Variants in SP100 observed in about 807,000 individuals in gnomAD.
SP100 encodes nuclear autoantigen Sp-100.
A neutral mutation model predicts 130.0 loss-of-function variants in SP100; 84 were observed. The ratio of observed to expected loss-of-function variants is 0.65; its 90% CI spans 0.54 to 0.77. The LOEUF (loss-of-function observed/expected upper bound fraction) is 0.77. SP100 is among the 30% of genes least tolerant of loss of function. The pLI, the probability that SP100 is intolerant of heterozygous loss-of-function variation, is 0.00. For synonymous variants in SP100, 331 were observed against 351.7 expected (o/e 0.94, Z 0.66); for missense variants, 978 against 1,052.2 (o/e 0.93, Z 0.97).
intron 24 of SP100, among the ~76,000 whole-genome samples, chr2:230,534,280 C>T (rs896160702): frequency 6.6e-6 from 1 of 152,100 alleles, no homozygotes; most frequent in Admixed American, 6.6e-5. Flanking sequence ...GTGGTGGGCA[C>T]CTGTAGTCCC....
At chr2:230,499,636 C>T (rs1205588867) in intron 19 of SP100, among the ~76,000 whole-genome samples, 1 of 149,552 alleles carries the variant, frequency 6.7e-6, no homozygotes, top group Non-Finnish European at 1.5e-5. Context: ...CTCTTAAAAA[C>T]ACCCAGTACA....
At chr2:230,474,687 C>A (rs919073671) in intron 17 of SP100, among the ~76,000 whole-genome samples, 1 of 152,130 alleles carries the variant, frequency 6.6e-6, no homozygotes, top group South Asian at 2.1e-4. Context: ...ACCCTCTCCC[C>A]CTGCCCCATC....
rs1036376438 is a variant in SP100, at chr2:230,544,832, A to G, written c.*1886A>G. On this transcript the variant is annotated 3_prime_UTR_variant, in exon 29 of 29. Transcript: ENST00000340126. The stretch of plus-strand genomic sequence containing the variant: ...CACATGCGGCCAACAAGCATGTTTT[A>G]AAAGCTCAATATCACTGATCGTTAG... Among the ~76,000 whole-genome samples, 1 of 152,248 alleles carries G rather than the reference A, an allele frequency of 6.6e-6. No individual in the cohort carries two copies. The highest frequency in any genetic ancestry group is 1.5e-5 in the Non-Finnish European group (1 of 68,040).
chr2:230,427,167 C>CT (rs150025924), intron 2 of SP100, among the ~76,000 whole-genome samples: 3 of 151,166 alleles, frequency 2.0e-5, no homozygotes, highest in African/African-American at 4.9e-5. Flanking sequence ...CTCTCTCTCT[C>CT]TTTTTTTTTC....
At chr2:230,529,120 A>G (rs980997868) in intron 24 of SP100, among the ~76,000 whole-genome samples, 1 of 152,198 alleles carries the variant, frequency 6.6e-6, no homozygotes, top group Non-Finnish European at 1.5e-5. Flanking sequence ...TAGAGACACA[A>G]CAAAAAAAGA....
At chr2:230,510,883 C>A in intron 23 of SP100, 1 of 553,066 alleles carries the variant, frequency 1.8e-6, no homozygotes, top group Non-Finnish European at 3.2e-6. Flanking sequence ...TGAATGGTTT[C>A]ACGAAGGCCT....
intron 24 of SP100, among the ~76,000 whole-genome samples, chr2:230,533,024 A>G (rs1209006632): frequency 6.6e-6 from 1 of 152,160 alleles, no homozygotes; most frequent in Non-Finnish European, 1.5e-5. Flanking sequence ...TATGTGATCC[A>G]CCTGCCCCGG....
At position 230,450,200 on chromosome 2, in the gene SP100, G is replaced by A. The variant is rs1243587736; in HGVS notation, c.765G>A (p.Val255=). 11 of 1,613,814 alleles carry A rather than the reference G, an allele frequency of 6.8e-6. No individual in the cohort carries two copies. Among genetic ancestry groups the A allele is most frequent in the African/African-American group, 2.7e-5 (2 of 74,916 alleles). The change falls in exon 8 of 29, where the codon GTG becomes GTA. Residue 255 remains valine, a synonymous_variant. Transcript: ENST00000340126. ...TESCEQIAVQ[V]NNGDAGREMP... is the part of the protein sequence containing the mutation. ...CCTGCGAACAAATTGCTGTCCAAGT[G>A]AATAATGGGGATGCTGGAAGGGAGA... is the stretch of plus-strand genomic sequence containing the variant.
chr2:230,456,579 T>C (rs2064285610), intron 8 of SP100, among the ~76,000 whole-genome samples: 1 of 152,210 alleles, frequency 6.6e-6, no homozygotes, highest in Non-Finnish European at 1.5e-5. Context: ...TCATAAATCC[T>C]GTAAGCTTTC....
chr2:230,428,837 A>G (rs1463310881), intron 2 of SP100, among the ~76,000 whole-genome samples: 1 of 152,192 alleles, frequency 6.6e-6, no homozygotes, highest in East Asian at 1.9e-4. Flanking sequence ...AGTTCCTCCC[A>G]CCAGGGCCCT....
At chr2:230,517,524 G>C (rs151157139) in intron 24 of SP100, among the ~76,000 whole-genome samples, 32 of 152,256 alleles carry the variant, frequency 2.1e-4, no homozygotes, top group Middle Eastern at 6.8e-3. Flanking sequence ...CACTGTGGGA[G>C]GCCAAGGCAG....
chr2:230,502,971 C>A, intron 19 of SP100, 95 bp from the exon 20 acceptor site: 1 of 947,016 alleles, frequency 1.1e-6, no homozygotes. Flanking sequence ...AAGTTCTAGA[C>A]AGGATCCTGA....
chr2:230,436,113 C>T (rs1309321992), intron 2 of SP100, among the ~76,000 whole-genome samples: 2 of 151,978 alleles, frequency 1.3e-5, no homozygotes, highest in African/African-American at 2.4e-5. Flanking sequence ...TAATTGGAGG[C>T]CTTTCATAAT....
chr2:230,440,459 A>AT, intron 2 of SP100: 6 of 965,150 alleles, frequency 6.2e-6, no homozygotes, highest in Non-Finnish European at 8.2e-6. Context: ...ATTAAATTAA[A>AT]TTTTTTATTT....
At chr2:230,510,940 T>G in intron 23 of SP100, 185 bp from the exon 24 acceptor site, 1 of 625,132 alleles carries the variant, frequency 1.6e-6, no homozygotes. Flanking sequence ...TGGGCCAAAC[T>G]GTCACTGACA....
intron 15 of SP100, among the ~76,000 whole-genome samples, chr2:230,472,124 A>G (rs1457476019): frequency 6.6e-6 from 1 of 152,108 alleles, no homozygotes; most frequent in African/African-American, 2.4e-5. Context: ...TGAAATTGCA[A>G]AAAGAGTCAA....
Position 230,504,454 on chromosome 2 carries a change from C to G in SP100, c.1870+164C>G, listed in dbSNP as rs752217190. On this transcript the variant is annotated intron_variant, in intron 21 of 28. Coordinates refer to ENST00000340126, the MANE Select transcript of SP100 (RefSeq NM_001080391.2). ...ACTTGGGACATCATCACATTTACAG[C>G]TAGGGTTTATGAGAGAAGCATGCAA... Among the ~76,000 whole-genome samples the G allele has an allele frequency of 1.4e-4, 21 of 152,114 alleles. 1 individual carries two copies. Among genetic ancestry groups the G allele is most frequent in the Non-Finnish European group, 2.8e-4 (19 of 68,010 alleles).
At chr2:230,526,413 C>T (rs960147513) in intron 24 of SP100, among the ~76,000 whole-genome samples, 1 of 152,112 alleles carries the variant, frequency 6.6e-6, no homozygotes, top group Non-Finnish European at 1.5e-5. Context: ...CTGTAGGTCA[C>T]CAACATCAAA....
intron 6 of SP100, 130 bp from the exon 7 acceptor site, chr2:230,449,431 C>T: frequency 9.8e-7 from 1 of 1,023,530 alleles, no homozygotes; most frequent in Non-Finnish European, 1.5e-6. Flanking sequence ...CTGCCTGCAT[C>T]TGCTTGAATC....
Sources: gnomAD v4.1 joint callset for allele counts (sites outside exome capture counted in the v4.1 genomes callset) on GRCh38, gnomAD v4.1.1 for gene constraint, MANE v1.5 for transcripts, NCBI Gene and HGNC (gene_info 2026-07-23, HGNC 2026-07-21) for gene names.